Variants in SLC4A10 observed in about 807,000 individuals in gnomAD.
The protein encoded by SLC4A10 is sodium-driven chloride bicarbonate exchanger.
SLC4A10 carries 42 observed loss-of-function variants against 137.7 expected under a neutral mutation model. The ratio of observed to expected loss-of-function variants is 0.30; its 90% CI spans 0.24 to 0.39. The LOEUF is 0.39. Ranked by LOEUF, SLC4A10 falls within the 10% of genes least tolerant of loss-of-function variation. The pLI is 1.00. For missense variants in SLC4A10, 925 were observed against 1,355.0 expected, an observed-to-expected ratio of 0.68 and a Z score of 4.98; for synonymous variants, 474 against 464.1, an observed-to-expected ratio of 1.02 and a Z score of -0.27.
intron 6 of SLC4A10, among the ~76,000 whole-genome samples, chr2:161,865,971 TA>T (rs892976702): frequency 1.3e-5 from 2 of 151,742 alleles, no homozygotes; most frequent in Non-Finnish European, 1.5e-5. Flanking sequence ...TTGACTTTTT[TA>T]AAAAAAAGAT....
chr2:161,873,992 A>G lies in SLC4A10; in HGVS notation c.935A>G (p.Gln312Arg). 6.3e-7 allele frequency: 1 copy of G among 1,590,226 alleles called. No individual in the cohort carries two copies. Among genetic ancestry groups the G allele is most frequent in the South Asian group, 1.1e-5 (1 of 89,292 alleles). Residue 312 changes from glutamine to arginine, a missense_variant, in exon 8 of 27, where the codon CAG becomes CGG. By Grantham distance (43) the Gln-to-Arg change is conservative. Transcript: ENST00000446997. The stretch of plus-strand genomic sequence containing the variant: ...AGGCATGAAAAAGGACCTCCACACC[A>G]GCAAGAGAGAGAGGTGAGGGCATAC... ...KQRHEKGPPHQQEREVDLHFM... is the reference protein window; with the variant it reads ...KQRHEKGPPHRQEREVDLHFM...
intron 2 of SLC4A10, among the ~76,000 whole-genome samples, chr2:161,778,959 C>T (rs1395094488): frequency 6.6e-6 from 1 of 151,824 alleles, no homozygotes; most frequent in Non-Finnish European, 1.5e-5. Context: ...TTTTGTGTTG[C>T]TATAACAGAA....
At chr2:161,742,456 T>A (rs1183797125) in intron 1 of SLC4A10, among the ~76,000 whole-genome samples, 1 of 146,640 alleles carries the variant, frequency 6.8e-6, no homozygotes, top group Non-Finnish European at 1.5e-5. Flanking sequence ...TTTTTTTTTT[T>A]TTTGAGACTG....
chr2:161,687,841 T>C (rs2041601503), intron 1 of SLC4A10, among the ~76,000 whole-genome samples: 1 of 152,196 alleles, frequency 6.6e-6, no homozygotes, highest in South Asian at 2.1e-4. Context: ...TGCCACCTAG[T>C]GAAGAGGTGC....
intron 16 of SLC4A10, among the ~76,000 whole-genome samples, chr2:161,943,378 C>A (rs1296580797): frequency 6.6e-6 from 1 of 152,040 alleles, no homozygotes; most frequent in Non-Finnish European, 1.5e-5. Context: ...GCACCTCCCT[C>A]AACAAGATCT....
intron 1 of SLC4A10, among the ~76,000 whole-genome samples, chr2:161,716,768 T>TAGG (rs1386685011): frequency 1.3e-5 from 2 of 152,080 alleles, no homozygotes; most frequent in African/African-American, 4.8e-5. Context: ...CTTTTTTCCT[T>TAGG]AGGATTGTCT....
At chr2:161,904,643 G>A (rs755919787) in intron 13 of SLC4A10, 133 bp from the exon 14 acceptor site, 23 of 1,040,202 alleles carry the variant, frequency 2.2e-5, no homozygotes, top group Middle Eastern at 2.1e-4. Flanking sequence ...TCTACCCCAC[G>A]TCTTGCCCAG....
At chr2:161,823,001 T>C (rs994594584) in intron 3 of SLC4A10, among the ~76,000 whole-genome samples, 2 of 151,142 alleles carry the variant, frequency 1.3e-5, no homozygotes, top group African/African-American at 4.9e-5. Context: ...ATATATATAC[T>C]TTTTTTTTAG....
chr2:161,862,532 C>T (rs2060490007), intron 5 of SLC4A10, among the ~76,000 whole-genome samples: 1 of 152,104 alleles, frequency 6.6e-6, no homozygotes, highest in South Asian at 2.1e-4. Context: ...TTGATATTAT[C>T]TCTACAGCTA....
intron 1 of SLC4A10, among the ~76,000 whole-genome samples, chr2:161,687,372 T>C (rs962493236): frequency 2.0e-5 from 3 of 152,232 alleles, no homozygotes; most frequent in African/African-American, 7.2e-5. Flanking sequence ...TTGTGTTTTC[T>C]ATGCTTTCTG....
At chr2:161,903,921 C>A in intron 12 of SLC4A10, 83 bp from the exon 13 acceptor site, 1 of 1,365,304 alleles carries the variant, frequency 7.3e-7, no homozygotes, top group Non-Finnish European at 9.9e-7. Flanking sequence ...TATACTGTGA[C>A]CTGGCAACAA....
intron 16 of SLC4A10, among the ~76,000 whole-genome samples, chr2:161,944,046 C>A (rs1017102068): frequency 1.3e-5 from 2 of 151,812 alleles, no homozygotes; most frequent in East Asian, 1.9e-4. Context: ...GTAGAATAAG[C>A]CTTCAGTTAC....
chr2:161,804,126 G>C (rs959246519), intron 2 of SLC4A10, among the ~76,000 whole-genome samples: 5 of 151,768 alleles, frequency 3.3e-5, no homozygotes, highest in African/African-American at 1.2e-4. Context: ...TCTGAAGGTA[G>C]AGAGAATAAA....
intron 15 of SLC4A10, among the ~76,000 whole-genome samples, chr2:161,938,717 A>T (rs904047164): frequency 1.3e-5 from 2 of 151,658 alleles, no homozygotes; most frequent in African/African-American, 4.8e-5. Flanking sequence ...GAGAAAAAAA[A>T]AAAAGAGAGA....
chr2:161,778,599 A>G (rs915168872), intron 2 of SLC4A10, among the ~76,000 whole-genome samples: 1 of 151,964 alleles, frequency 6.6e-6, no homozygotes, highest in African/African-American at 2.4e-5. Flanking sequence ...ATGTTCATCA[A>G]ATATTCAAAC....
intron 8 of SLC4A10, among the ~76,000 whole-genome samples, chr2:161,876,093 G>A (rs1354692302): frequency 6.6e-6 from 1 of 152,064 alleles, no homozygotes; most frequent in Non-Finnish European, 1.5e-5. Flanking sequence ...AAGTATCAAA[G>A]GCCCAGAAAG....
At chr2:161,732,584 C>A (rs1476612148) in intron 1 of SLC4A10, among the ~76,000 whole-genome samples, 1 of 152,180 alleles carries the variant, frequency 6.6e-6, no homozygotes, top group African/African-American at 2.4e-5. Flanking sequence ...TCTCCCAGAG[C>A]AAGGCTATTC....
intron 4 of SLC4A10, among the ~76,000 whole-genome samples, chr2:161,847,399 T>C (rs1394792165): frequency 1.3e-5 from 2 of 151,980 alleles, no homozygotes; most frequent in Non-Finnish European, 2.9e-5. Flanking sequence ...GGTTGTTTCA[T>C]GGGTAAATTG....
chr2:161,714,916 A>G (rs997007578), intron 1 of SLC4A10, among the ~76,000 whole-genome samples: 3 of 152,100 alleles, frequency 2.0e-5, no homozygotes, highest in Admixed American at 2.0e-4. Flanking sequence ...TTTGGTTATT[A>G]TAATTATCCC....
Sources: allele counts gnomAD v4.1 joint callset (sites outside exome capture counted in the v4.1 genomes callset), GRCh38; gene constraint gnomAD v4.1.1; transcripts MANE v1.5; gene names NCBI Gene and HGNC (gene_info 2026-07-23, HGNC 2026-07-21).